Variants in IRS1 observed in about 807,000 individuals in gnomAD.
IRS1 encodes the protein insulin receptor substrate 1.
A neutral mutation model predicts 65.6 loss-of-function variants in IRS1; 34 were observed. The ratio of observed to expected loss-of-function variants is 0.52; its 90% confidence interval spans 0.39 to 0.69. The LOEUF (loss-of-function observed/expected upper bound fraction) is 0.69. IRS1 is among the 30% of genes least tolerant of loss of function. The probability of loss-of-function intolerance (pLI) is 0.00; values close to 1 mark genes in which losing one functional copy is unlikely to be tolerated. For synonymous variants in IRS1, 699 were observed against 683.5 expected (o/e 1.02, Z -0.35); for missense variants, 1,641 against 1,720.2 (o/e 0.95, Z 0.81).
chr2:226,757,195 A>C (rs1031395965), intron 1 of IRS1, among the ~76,000 whole-genome samples: 1 of 152,148 alleles, frequency 6.6e-6, no homozygotes, highest in East Asian at 1.9e-4. Context: ...CCTATAATAC[A>C]CTAAGCAAGA....
At chr2:226,763,061 T>C (rs1938951566) in intron 1 of IRS1, among the ~76,000 whole-genome samples, 1 of 152,128 alleles carries the variant, frequency 6.6e-6, no homozygotes, top group African/African-American at 2.4e-5. Flanking sequence ...ACAAAGAATG[T>C]ACAGTAACTT....
At chr2:226,770,928 G>T (rs1939151366) in intron 1 of IRS1, among the ~76,000 whole-genome samples, 1 of 152,116 alleles carries the variant, frequency 6.6e-6, no homozygotes. Context: ...GGAAGGCTGA[G>T]GTGGGAGGAT....
chr2:226,769,624 T>C (rs535810100), intron 1 of IRS1, among the ~76,000 whole-genome samples: 4 of 152,330 alleles, frequency 2.6e-5, no homozygotes, highest in Admixed American at 1.3e-4. Flanking sequence ...CAACAACTTA[T>C]CAACCCATCA....
At position 226,795,909 on chromosome 2, in the gene IRS1, T is replaced by C. The variant is rs1939710988; in HGVS notation, c.2830A>G (p.Met944Val). 1.2e-6 allele frequency: 2 copies of C among 1,613,962 alleles called. No homozygotes were observed. The highest frequency in any genetic ancestry group is 1.7e-6 in the Non-Finnish European group (2 of 1,180,026). ...EETGTEEYMK[M>V]DLGPGRRAAW... is the part of the protein sequence containing the mutation. ...GCCCTCCGGCCCGGCCCCAGGTCCA[T>C]CTTCATGTACTCCTCAGTGCCAGTC... Residue 944 changes from methionine to valine, a missense_variant, in exon 1 of 2, where the codon ATG (methionine) becomes GTG (valine). Physicochemically the swap from Met to Val is conservative, Grantham distance 21. This residue lies in a region of IRS1 where 1,324 missense variants were observed against 1,361.0 expected (regional missense o/e 0.97). Coordinates refer to ENST00000305123, the MANE Select transcript of IRS1 (RefSeq NM_005544.3).
rs1939682997 is a variant in IRS1, at chr2:226,795,101, C to T, written c.3638G>A (p.Ser1213Asn). The T allele has an allele frequency of 8.1e-6, 10 of 1,234,318 alleles. No homozygotes were observed. The highest frequency in any genetic ancestry group is 1.1e-5 in the Non-Finnish European group (10 of 895,208). The allele number at this position is 1,234,318 out of a possible 1,614,324, so 76.5% of individuals were successfully genotyped here. The change falls in exon 1 of 2, where the codon AGC becomes AAC. Residue 1213 changes from serine to asparagine, a missense_variant. Coordinates refer to ENST00000305123, the MANE Select transcript of IRS1 (RefSeq NM_005544.3). ...PPPPPHQPLGSGESSSTRRSS... is the reference protein window; with the variant it reads ...PPPPPHQPLGNGESSSTRRSS... ...GCGGCGGGTGGAGCTGCTCTCACCG[C>T]TGCCCAGGGGTTGATGAGGGGGTGG...
chr2:226,747,499 G>A (rs1391729207), intron 1 of IRS1, among the ~76,000 whole-genome samples: 2 of 152,058 alleles, frequency 1.3e-5, no homozygotes, highest in South Asian at 4.1e-4. Flanking sequence ...CAGGGTCTGT[G>A]GTGCCTTGTT....
intron 1 of IRS1, among the ~76,000 whole-genome samples, chr2:226,742,355 T>C (rs1938455653): frequency 6.6e-6 from 1 of 152,226 alleles, no homozygotes; most frequent in African/African-American, 2.4e-5. Flanking sequence ...GAAAGCCATT[T>C]TAGCTAAAGA....
In IRS1 at chr2:226,797,856, T is replaced by G. The variant is rs1559159901; in HGVS notation, c.883A>C (p.Ser295Arg). Residue 295 changes from serine (S) to arginine (R), a missense_variant, in exon 1 of 2, where the codon AGC (serine) becomes CGC (arginine). This residue lies in a region of IRS1 where 1,324 missense variants were observed against 1,361.0 expected (regional missense o/e 0.97). Transcript: ENST00000305123. This position sits in a 1 kb window ranked among gnomAD's most constrained non-coding sequence, Gnocchi z 8.1. ...GATCGGCGGGTCAGCCCCACCTGGC[T>G]GGGCGGGGGATTGTTGAGATGGTGC... Reference protein sequence around the residue: ...RRHHLNNPPPSQVGLTRRSRT... With the variant: ...RRHHLNNPPPRQVGLTRRSRT... The G allele has an allele frequency of 1.2e-6, 2 of 1,601,274 alleles. No individual in the cohort carries two copies. Among genetic ancestry groups the G allele is most frequent in the Admixed American group, 3.3e-5 (2 of 59,714 alleles).
intron 1 of IRS1, among the ~76,000 whole-genome samples, chr2:226,771,299 C>A (rs1939160013): frequency 6.6e-6 from 1 of 152,154 alleles, no homozygotes; most frequent in South Asian, 2.1e-4. Flanking sequence ...TGTTCCCAAG[C>A]ACATGGTATC....
At position 226,797,778 on chromosome 2, in the gene IRS1, G is replaced by T; in HGVS notation, c.961C>A (p.Pro321Thr). The T allele has an allele frequency of 6.3e-7, 1 of 1,595,284 alleles. No individual in the cohort carries two copies. The highest frequency in any genetic ancestry group is 8.5e-7 in the Non-Finnish European group (1 of 1,173,628). The change falls in exon 1 of 2, where the codon CCA becomes ACA. Residue 321 changes from proline to threonine, a missense_variant. This residue lies in a region of IRS1 where 1,324 missense variants were observed against 1,361.0 expected (regional missense o/e 0.97). Coordinates refer to ENST00000305123, the MANE Select transcript of IRS1 (RefSeq NM_005544.3). This position sits in a 1 kb window ranked among gnomAD's most constrained non-coding sequence, Gnocchi z 8.1. ...GAGGCGCGGACACGGAAGGAGCCTG[G>T]CTTCCCGCCCACCATGCTGGCCGGG... The part of the protein sequence containing the change: ...TSPASMVGGK[P>T]GSFRVRASSD...
At chr2:226,747,429 A>G (rs1938569710) in intron 1 of IRS1, among the ~76,000 whole-genome samples, 2 of 152,042 alleles carry the variant, frequency 1.3e-5, no homozygotes, top group East Asian at 2.0e-4. Flanking sequence ...TCTGCTCTCT[A>G]CCACAGGAGG....
intron 1 of IRS1, among the ~76,000 whole-genome samples, chr2:226,757,666 T>C (rs533335646): frequency 6.6e-6 from 1 of 152,326 alleles, no homozygotes; most frequent in African/African-American, 2.4e-5. Flanking sequence ...TAACCATGTG[T>C]TTCCTACACT....
At chr2:226,778,472 G>T (rs1939316100) in intron 1 of IRS1, among the ~76,000 whole-genome samples, 1 of 151,792 alleles carries the variant, frequency 6.6e-6, no homozygotes, top group Non-Finnish European at 1.5e-5. Flanking sequence ...CAAAGTAAAA[G>T]CTTTTTACAT....
In IRS1 at chr2:226,799,058, C is replaced by G. The variant is rs1939831735; in HGVS notation, c.-320G>C. 5.3e-6 allele frequency: 7 copies of G among 1,323,956 alleles called. No individual in the cohort carries two copies. 82.0% of individuals were successfully genotyped at this position (1,323,956 alleles called of 1,614,324 possible). On this transcript the variant is annotated 5_prime_UTR_variant, in exon 1 of 2. Transcript: ENST00000305123. This position sits in a 1 kb window ranked among gnomAD's most constrained non-coding sequence, Gnocchi z 6.1. ...AGCCGCCGCCGCCACCAGGAAGGAG[C>G]GAAGATGCATCTCTCGTCGCCCCGG... is the stretch of plus-strand genomic sequence containing the variant.
At position 226,797,362 on chromosome 2, in the gene IRS1, C is replaced by G; in HGVS notation, c.1377G>C (p.Glu459Asp). 6.2e-7 allele frequency: 1 copy of G among 1,613,246 alleles called. No individual in the cohort carries two copies. The highest frequency in any genetic ancestry group is 8.5e-7 in the Non-Finnish European group (1 of 1,179,862). The change falls in exon 1 of 2, where the codon GAG becomes GAC. Residue 459 changes from glutamate (E) to aspartate (D), a missense_variant. Glu to Asp is a conservative substitution (Grantham distance 45). Around this residue, in one of 3 missense-constraint regions of IRS1, gnomAD observed 1,324 missense variants for 1,361.0 expected, o/e 0.97. Transcript: ENST00000305123. This position sits in a 1 kb window ranked among gnomAD's most constrained non-coding sequence, Gnocchi z 8.1. Reference sequence around the variant, plus strand: ...TGCAGATATAGTTGCTTAGCTCCTCCTCACCGCGGGCTGGTGGGGTGTGGC... The same window carrying G: ...TGCAGATATAGTTGCTTAGCTCCTCGTCACCGCGGGCTGGTGGGGTGTGGC... ...SLGHTPPARGEEELSNYICMG... is the reference protein window; with the variant it reads ...SLGHTPPARGDEELSNYICMG...
At position 226,797,110 on chromosome 2, in the gene IRS1, G is replaced by A. The variant is rs1308333786; in HGVS notation, c.1629C>T (p.Ser543=). 2 of 1,613,804 alleles carry A rather than the reference G, an allele frequency of 1.2e-6. No individual in the cohort carries two copies. Among genetic ancestry groups the A allele is most frequent in the Non-Finnish European group, 1.7e-6 (2 of 1,180,020 alleles). Residue 543 remains serine (S), a synonymous_variant, in exon 1 of 2, where the codon TCC becomes TCT. Transcript: ENST00000305123. This position sits in a 1 kb window ranked among gnomAD's most constrained non-coding sequence, Gnocchi z 8.1. The part of the protein sequence containing the change: ...TITHQKTPSQ[S]SVASIEEYTE... ...TGTACTCCTCAATGGAAGCCACTGA[G>A]GACTGGGACGGGGTCTTCTGGTGGG...
intron 1 of IRS1, among the ~76,000 whole-genome samples, chr2:226,789,420 C>T (rs2106181038): frequency 6.6e-6 from 1 of 152,268 alleles, no homozygotes; most frequent in East Asian, 1.9e-4. Flanking sequence ...AAAATCTGGA[C>T]AACACTAATT....
rs758231134 is a variant in IRS1 at position 226,798,796 on chromosome 2, G to A, written c.-58C>T. The A allele has an allele frequency of 1.9e-6, 3 of 1,566,938 alleles. No individual in the cohort carries two copies. The highest frequency in any genetic ancestry group is 2.4e-5 in the East Asian group (1 of 41,914). ...GGAGGCTCCGAAAAACAACCGGGTG[G>A]GGGGCGGAGGCTCCTCGCCGCGGCC... On this transcript the variant is annotated 5_prime_UTR_variant, in exon 1 of 2. Coordinates refer to ENST00000305123, the MANE Select transcript of IRS1 (RefSeq NM_005544.3). The surrounding 1 kb of genome is among the most constrained non-coding windows in gnomAD (Gnocchi z 9.4).
In IRS1 at chr2:226,797,621, C is replaced by T. The variant is rs762739828; in HGVS notation, c.1118G>A (p.Arg373His). Residue 373 changes from arginine to histidine, a missense_variant, in exon 1 of 2, where the codon CGC becomes CAC. Arg to His is a conservative substitution (Grantham distance 29). Around this residue, in one of 3 missense-constraint regions of IRS1, gnomAD observed 1,324 missense variants for 1,361.0 expected, o/e 0.97. Coordinates refer to ENST00000305123, the MANE Select transcript of IRS1 (RefSeq NM_005544.3). The surrounding 1 kb of genome is among the most constrained non-coding windows in gnomAD (Gnocchi z 8.1). ...ARLHPPLNHS[R>H]SIPMPASRCS... is the part of the protein sequence containing the mutation. ...GCGGGAAGCCGGCATGGGGATGGAG[C>T]GGCTGTGGTTGAGCGGGGGGTGCAG... The T allele has an allele frequency of 6.3e-6, 10 of 1,588,510 alleles. No homozygotes were observed. The highest frequency in any genetic ancestry group is 1.7e-5 in the Admixed American group (1 of 58,850).
Sources: allele counts gnomAD v4.1 joint callset (sites outside exome capture counted in the v4.1 genomes callset), GRCh38; gene constraint gnomAD v4.1.1; regional missense constraint gnomAD v4.1.1; non-coding constraint Gnocchi (gnomAD v3.1); transcripts MANE v1.5; gene names NCBI Gene and HGNC (gene_info 2026-07-23, HGNC 2026-07-21).